Variants in TTN observed in about 807,000 individuals in gnomAD.
TTN encodes connectin.
In TTN, 1,525 loss-of-function variants were observed where a neutral mutation model predicts 3,223.0. The ratio of observed to expected loss-of-function variants is 0.47; its 90% CI spans 0.45 to 0.49. TTN has a LOEUF of 0.49. Ranked by LOEUF, TTN falls within the 20% of genes least tolerant of loss-of-function variation. TTN has a pLI of 0.00. For missense variants in TTN, 40,786 were observed against 43,424.0 expected (o/e 0.94, Z 5.40); for synonymous variants, 14,094 against 15,161.0 (o/e 0.93, Z 5.17).
Position 178,729,667 on chromosome 2 carries a change from T to C in TTN, c.18586A>G (p.Lys6196Glu), listed in dbSNP as rs756791385. ...AGAATAGATTCCATTCACGAACCTT[T>C]CACTTTGAGTTCAATGCTGCAGCTC... is the stretch of plus-strand genomic sequence containing the variant. ...TASCSIELKV[K>E]EPPTFIRELK... Residue 6196 changes from lysine (K) to glutamate (E), a missense_variant, in exon 63 of 363, where the codon AAA (lysine) becomes GAA (glutamate). Physicochemically the swap from Lys to Glu is moderately conservative, Grantham distance 56. Coordinates refer to ENST00000589042, the MANE Select transcript of TTN (RefSeq NM_001267550.2). 18 of 1,613,622 alleles carry C rather than the reference T, an allele frequency of 1.1e-5. No individual in the cohort carries two copies. In the South Asian group the frequency reaches 1.3e-4, roughly 12 times the overall value.
Position 178,785,945 on chromosome 2 carries a change from TG to T in TTN, c.2272del (p.His758ThrfsTer11). On this transcript the variant is annotated frameshift_variant, in exon 14 of 363. Transcript: ENST00000589042. LOFTEE classifies it high-confidence loss of function. ...AGGCTTGACTGCTTTAGGGACAACGTGGGGTTCTGAGGCTGGACGTTGGGGA... is the reference window on the plus strand; with the variant it reads ...AGGCTTGACTGCTTTAGGGACAACGTGGGTTCTGAGGCTGGACGTTGGGGA... The part of the protein sequence containing the change: ...EPPQRPASEP[H>X]VVPKAVKPRV... 6.2e-7 allele frequency: 1 copy of T among 1,614,038 alleles called. No individual in the cohort carries two copies.
In TTN at chr2:178,591,240, A is replaced by G. The variant is rs1268857249; in HGVS notation, c.60485T>C (p.Val20162Ala). ...ATCAAGAACAGTAAGATGTACGGCT[A>G]CTGTTTTGCTACCGGCTGCATTGGA... ...TVSNAAGSKT[V>A]AVHLTVLDVP... is the part of the protein sequence containing the mutation. The change falls in exon 304 of 363, where the codon GTA becomes GCA. Residue 20162 changes from valine (V) to alanine (A), a missense_variant. By Grantham distance (64) the Val-to-Ala change is moderately conservative. Coordinates refer to ENST00000589042, the MANE Select transcript of TTN (RefSeq NM_001267550.2). 1 of 1,613,272 alleles carries G rather than the reference A, an allele frequency of 6.2e-7. No homozygotes were observed. Among genetic ancestry groups the G allele is most frequent in the East Asian group, 2.2e-5 (1 of 44,812 alleles).
chr2:178,781,481 A>G (rs186793662), intron 20 of TTN, among the ~76,000 whole-genome samples: 31 of 152,344 alleles, frequency 2.0e-4, no homozygotes, highest in African/African-American at 4.3e-4. Flanking sequence ...ATTTTAAAGA[A>G]TATTTATTGC....
Position 178,574,105 on chromosome 2 carries a change from A to G in TTN, c.72027T>C (p.Ser24009=). The G allele has an allele frequency of 6.2e-7, 1 of 1,613,580 alleles. No individual in the cohort carries two copies. The highest frequency in any genetic ancestry group is 8.5e-7 in the Non-Finnish European group (1 of 1,179,640). Residue 24009 remains serine (S), a synonymous_variant, in exon 326 of 363, where the codon AGT becomes AGC. Coordinates refer to ENST00000589042, the MANE Select transcript of TTN (RefSeq NM_001267550.2). ...VIAKNAAGAI[S]PPSEPSDAIT... ...TAGCATCAGATGGCTCAGATGGTGG[A>G]CTGATGGCACCTGCAGCATTTTTGG...
chr2:178,748,811 A>C lies in TTN; in HGVS notation c.11311+4313T>G, dbSNP rs200066725. 187 of 1,611,596 alleles carry C rather than the reference A, an allele frequency of 1.2e-4. No homozygotes were observed. The Middle Eastern group carries it at 1.3e-3, about 11-fold the overall frequency. ...TTGAGAGGAAAGCAGCTTTAAATTT[A>C]TTGCAATGTTAGATGAATCTGATTC... On this transcript the variant is annotated intron_variant, in intron 47 of 362. Coordinates refer to ENST00000589042, the MANE Select transcript of TTN (RefSeq NM_001267550.2).
intron 18 of TTN, 59 bp from the exon 19 acceptor site, chr2:178,782,661 C>T: frequency 6.2e-7 from 1 of 1,607,546 alleles, no homozygotes; most frequent in Non-Finnish European, 8.5e-7. Flanking sequence ...CTGCTTAGCA[C>T]TGACAGTTAA....
rs1315367513 is a variant in TTN at position 178,546,479 on chromosome 2, C to T, written c.94852G>A (p.Ala31618Thr). ...EYAPPKAELD[A>T]RLHGDLVTIR... ...GTAACCAGATCACCGTGTAATCGGG[C>T]ATCCAGTTCGGCTTTGGGTGGAGCT... Residue 31618 changes from alanine to threonine, a missense_variant, in exon 342 of 363, where the codon GCC (alanine) becomes ACC (threonine). Coordinates refer to ENST00000589042, the MANE Select transcript of TTN (RefSeq NM_001267550.2). The T allele has an allele frequency of 6.2e-7, 1 of 1,612,250 alleles. No individual in the cohort carries two copies. Among genetic ancestry groups the T allele is most frequent in the Non-Finnish European group, 8.5e-7 (1 of 1,178,694 alleles).
Position 178,569,178 on chromosome 2 carries a change from CA to C in TTN, c.76953del (p.Val25652Ter). ...REATRKSYAAVVTNCHKNSWK... is the reference protein window; with the variant it reads ...REATRKSYAAXVTNCHKNSWK... Reference sequence around the variant, plus strand: ...CAAGAATTCTTATGGCAGTTAGTTACAACAGCAGCATATGATTTTCTTGTGG... The same window carrying C: ...CAAGAATTCTTATGGCAGTTAGTTACACAGCAGCATATGATTTTCTTGTGG... On this transcript the variant is annotated frameshift_variant, in exon 326 of 363. Coordinates refer to ENST00000589042, the MANE Select transcript of TTN (RefSeq NM_001267550.2). LOFTEE classifies it high-confidence loss of function. 1 of 1,612,310 alleles carries C rather than the reference CA, an allele frequency of 6.2e-7. No individual in the cohort carries two copies. Among genetic ancestry groups the C allele is most frequent in the South Asian group, 1.1e-5 (1 of 90,650 alleles).
intron 305 of TTN, 29 bp from the exon 306 acceptor site, chr2:178,587,829 A>T: frequency 6.4e-7 from 1 of 1,568,092 alleles, no homozygotes; most frequent in Non-Finnish European, 8.6e-7. Flanking sequence ...TCATTAATTG[A>T]TTTTTCAGAA....
chr2:178,649,528 T>G (rs1376777005), intron 212 of TTN, 26 bp downstream of exon 212: 8 of 1,544,108 alleles, frequency 5.2e-6, no homozygotes, highest in Non-Finnish European at 7.0e-6. Flanking sequence ...CTTTCTTTTT[T>G]ATGATGCCAA....
At position 178,652,654 on chromosome 2, in the gene TTN, T is replaced by G. The variant is rs1353872911; in HGVS notation, c.39042A>C (p.Lys13014Asn). Residue 13014 changes from lysine to asparagine, a missense_variant and splice_region_variant, in exon 201 of 363, where the codon AAA becomes AAC. Transcript: ENST00000589042. ...ACGCTTAAACTCAATGACAAATACC[T>G]TTAACAGGTGGGACTTCAGGCTTTT... ...PPKKPEVPPV[K>N]VPEAPKEVVP... The G allele has an allele frequency of 1.2e-6, 2 of 1,613,400 alleles. No individual in the cohort carries two copies. The highest frequency in any genetic ancestry group is 1.7e-6 in the Non-Finnish European group (2 of 1,179,570).
At position 178,567,155 on chromosome 2, in the gene TTN, T is replaced by A. The variant is rs780812684; in HGVS notation, c.78977A>T (p.Lys26326Met). 3.7e-6 allele frequency: 6 copies of A among 1,613,542 alleles called. No individual in the cohort carries two copies. In the East Asian group the frequency reaches 1.3e-4, roughly 36 times the overall value. ...CCAGGCAAGTCGACTGGTTTCTCGCTTTTCAACAACATAGTGAGAAATGTC... is the reference window on the plus strand; with the variant it reads ...CCAGGCAAGTCGACTGGTTTCTCGCATTTCAACAACATAGTGAGAAATGTC... The part of the protein sequence containing the change: ...GSDISHYVVE[K>M]RETSRLAWTV... The change falls in exon 326 of 363, where the codon AAG becomes ATG. Residue 26326 changes from lysine (K) to methionine (M), a missense_variant. Coordinates refer to ENST00000589042, the MANE Select transcript of TTN (RefSeq NM_001267550.2).
Position 178,679,984 on chromosome 2 carries a change from C to A in TTN, c.33490G>T (p.Glu11164Ter). Residue 11164 changes from glutamate (E) to a stop codon, truncating the protein, a stop_gained, in exon 140 of 363, where the codon GAA (glutamate) becomes TAA (stop). Transcript: ENST00000589042. LOFTEE classifies it high-confidence loss of function. ...FEEEVVTHVE[E>*]YLVEEEEEYI... ...TCTTCTTCTTCTTCTACAAGATATT[C>A]TTCTACATGGGTTACAACTTCCTCT... The A allele has an allele frequency of 1.2e-6, 2 of 1,613,246 alleles. No individual in the cohort carries two copies. The highest frequency in any genetic ancestry group is 1.7e-6 in the Non-Finnish European group (2 of 1,179,456).
chr2:178,751,054 T>C, intron 47 of TTN: 1 of 1,612,858 alleles, frequency 6.2e-7, no homozygotes, highest in Non-Finnish European at 8.5e-7. Context: ...ATTCTATATT[T>C]TGATCCATTT....
rs139622102 is a variant in TTN at position 178,671,276 on chromosome 2, T to A, written c.35228-106A>T. ...GGGTCACAAAATTCTTTATCTATAT[T>A]TTTTTAATTTATAACACACTTATTT... On this transcript the variant is annotated intron_variant, in intron 155 of 362. Transcript: ENST00000589042. 7.9e-5 allele frequency: 57 copies of A among 718,474 alleles called. No individual in the cohort carries two copies. In the Middle Eastern group the frequency reaches 1.2e-3, roughly 15 times the overall value. 44.5% of individuals were successfully genotyped at this position (718,474 alleles called of 1,614,324 possible). A position where few individuals can be genotyped will look rare whatever the true frequency, so the allele number is the denominator to read the frequency against.
chr2:178,773,763 T>C lies in TTN; in HGVS notation c.7331-38A>G, dbSNP rs138189108. The C allele has an allele frequency of 3.3e-4, 534 of 1,614,072 alleles. 1 individual carries two copies. The highest frequency in any genetic ancestry group is 2.7e-3 in the African/African-American group (199 of 75,056). ...ACACACACAAGATGAATGAATTTTG[T>C]TGAAATTGTCTGCTCCTTGAAGTTC... On this transcript the variant is annotated intron_variant, in intron 31 of 362. Coordinates refer to ENST00000589042, the MANE Select transcript of TTN (RefSeq NM_001267550.2).
At position 178,547,963 on chromosome 2, in the gene TTN, G is replaced by T. The variant is rs1489398531; in HGVS notation, c.93663C>A (p.Thr31221=). ...CTGCTTTGCAAGTTATAAGCTGATT[G>T]GTAATTCCAGTGAGGTCAGCAGTGG... is the stretch of plus-strand genomic sequence containing the variant. The part of the protein sequence containing the change: ...IEPTADLTGI[T]NQLITCKAGS... The change falls in exon 339 of 363, where the codon ACC becomes ACA. Residue 31221 remains threonine, a synonymous_variant. Transcript: ENST00000589042. 6.2e-7 allele frequency: 1 copy of T among 1,613,500 alleles called. No homozygotes were observed. The highest frequency in any genetic ancestry group is 2.2e-5 in the East Asian group (1 of 44,840).
chr2:178,571,347 A>G lies in TTN; in HGVS notation c.74785T>C (p.Trp24929Arg). ...CCTCCATCACTGATTGGCTCATTCCATTGTACTTCCATGCTGTCCCTGGAG... is the reference window on the plus strand; with the variant it reads ...CCTCCATCACTGATTGGCTCATTCCGTTGTACTTCCATGCTGTCCCTGGAG... ...LSSRDSMEVQ[W>R]NEPISDGGSR... The change falls in exon 326 of 363, where the codon TGG (tryptophan) becomes CGG (arginine). Residue 24929 changes from tryptophan (W) to arginine (R), a missense_variant. By Grantham distance (101) the Trp-to-Arg change is moderately radical (BLOSUM62 -3). Transcript: ENST00000589042. 3 of 1,613,344 alleles carry G rather than the reference A, an allele frequency of 1.9e-6. No homozygotes were observed. The highest frequency in any genetic ancestry group is 2.5e-6 in the Non-Finnish European group (3 of 1,179,542).
In TTN at chr2:178,777,734, G is replaced by T. The variant is rs1275579483; in HGVS notation, c.4450C>A (p.Pro1484Thr). The T allele has an allele frequency of 6.2e-7, 1 of 1,613,926 alleles. No individual in the cohort carries two copies. Among genetic ancestry groups the T allele is most frequent in the Non-Finnish European group, 8.5e-7 (1 of 1,179,978 alleles). The change falls in exon 25 of 363, where the codon CCT (proline) becomes ACT (threonine). Residue 1484 changes from proline (P) to threonine (T), a missense_variant. Transcript: ENST00000589042. The stretch of plus-strand genomic sequence containing the variant: ...TGAAACCAGAACGTCTCTGGCATAG[G>T]TCTACCAACAACCTTTAAGTCAAAT... ...ARFDLKVVGRPMPETFWFHDG... is the reference protein window; with the variant it reads ...ARFDLKVVGRTMPETFWFHDG...
Sources: allele counts gnomAD v4.1 joint callset (sites outside exome capture counted in the v4.1 genomes callset), GRCh38; gene constraint gnomAD v4.1.1; transcripts MANE v1.5; gene names NCBI Gene and HGNC (gene_info 2026-07-23, HGNC 2026-07-21).